The following TMEM131 variants were observed in gnomAD, a reference collection of about 807,000 sequenced individuals.
TMEM131 encodes 2610524E03Rik.
A neutral mutation model predicts 211.6 loss-of-function variants in TMEM131; 66 were observed. The observed-to-expected ratio is 0.31, with a 90% CI of 0.26 to 0.38. TMEM131 has a LOEUF of 0.38. TMEM131 is among the 10% of genes least tolerant of loss of function. The pLI is 1.00. For synonymous variants in TMEM131, 844 were observed against 841.3 expected (o/e 1.00, Z -0.06); for missense variants, 2,036 against 2,299.3 (o/e 0.89, Z 2.34).
chr2:97,908,510 C>T lies in TMEM131; in HGVS notation c.290+148G>A, dbSNP rs543983848. On this transcript the variant is annotated intron_variant, in intron 3 of 40. Transcript: ENST00000186436. ...TCAAACTTAAACCTGGTTTCCCACA[C>T]ACAACACTTAGAAATAATCATATAA... 1.2e-4 allele frequency: 70 copies of T among 598,230 alleles called. 1 individual carries two copies. In the South Asian group the frequency reaches 1.8e-3, roughly 15 times the overall value. 37.1% of individuals were successfully genotyped at this position (598,230 alleles called of 1,614,324 possible). A position where few individuals can be genotyped will look rare whatever the true frequency, so the allele number is the denominator to read the frequency against.
intron 11 of TMEM131, chr2:97,827,227 C>T (rs542116105): frequency 7.7e-5 from 58 of 750,656 alleles, no homozygotes; most frequent in South Asian, 6.0e-4. Context: ...GCACCTGGCA[C>T]GCGCCTTCCC....
chr2:97,834,802 G>A lies in TMEM131; in HGVS notation c.928C>T (p.Leu310Phe), dbSNP rs556689023. Residue 310 changes from leucine (L) to phenylalanine (F), a missense_variant, in exon 9 of 41, where the codon CTT (leucine) becomes TTT (phenylalanine). By Grantham distance (22) the Leu-to-Phe change is conservative (BLOSUM62 0). Around this residue, in one of 3 missense-constraint regions of TMEM131, gnomAD observed 277 missense variants for 378.0 expected, o/e 0.73. Coordinates refer to ENST00000186436, the MANE Select transcript of TMEM131 (RefSeq NM_015348.2). The stretch of plus-strand genomic sequence containing the variant: ...GTTGTAACTTCAACCTCAACAGGAA[G>A]AATGATAAACTCTGTGCTGTCTGAA... Reference protein sequence around the residue: ...NASDSTEFIILPVEVEVTTAP... With the variant: ...NASDSTEFIIFPVEVEVTTAP... 1.2e-6 allele frequency: 2 copies of A among 1,613,662 alleles called. No individual in the cohort carries two copies. Among genetic ancestry groups the A allele is most frequent in the East Asian group, 2.2e-5 (1 of 44,834 alleles).
At chr2:97,878,012 A>G (rs186799451) in intron 4 of TMEM131, among the ~76,000 whole-genome samples, 1 of 152,322 alleles carries the variant, frequency 6.6e-6, no homozygotes, top group African/African-American at 2.4e-5. Context: ...ATTTACAAGA[A>G]AATAAGATCC....
chr2:97,806,435 G>T (rs994678615), intron 19 of TMEM131, among the ~76,000 whole-genome samples: 3 of 152,136 alleles, frequency 2.0e-5, no homozygotes, highest in African/African-American at 7.2e-5. Context: ...CAGCTACTGG[G>T]GAGGCTGAGG....
intron 2 of TMEM131, among the ~76,000 whole-genome samples, chr2:97,922,097 C>T (rs1214547947): frequency 6.6e-6 from 1 of 152,142 alleles, no homozygotes; most frequent in Admixed American, 6.5e-5. Context: ...GGGATGGTTT[C>T]AGAATAATAC....
chr2:97,964,861 G>A (rs910408415), intron 1 of TMEM131, among the ~76,000 whole-genome samples: 2 of 152,190 alleles, frequency 1.3e-5, no homozygotes, highest in African/African-American at 4.8e-5. Context: ...GGAAAACACT[G>A]ACTCTTGGTC....
At chr2:97,989,620 T>C (rs1042993885) in intron 1 of TMEM131, among the ~76,000 whole-genome samples, 10 of 152,196 alleles carry the variant, frequency 6.6e-5, no homozygotes, top group Admixed American at 5.2e-4. Flanking sequence ...TGTGTTTTTT[T>C]CACCAAGTTT....
intron 2 of TMEM131, among the ~76,000 whole-genome samples, chr2:97,917,862 A>C (rs1356379969): frequency 2.0e-5 from 3 of 152,034 alleles, no homozygotes; most frequent in African/African-American, 7.2e-5. Flanking sequence ...CCACCATGTG[A>C]CCCAACTCAC....
At chr2:97,891,908 A>G (rs1189010409) in intron 3 of TMEM131, among the ~76,000 whole-genome samples, 1 of 151,812 alleles carries the variant, frequency 6.6e-6, no homozygotes, top group African/African-American at 2.4e-5. Flanking sequence ...AGGAGCCACT[A>G]TTTTGCATCT....
chr2:97,879,220 T>C (rs563605078), intron 4 of TMEM131, among the ~76,000 whole-genome samples: 1 of 152,302 alleles, frequency 6.6e-6, no homozygotes, highest in African/African-American at 2.4e-5. Context: ...TTCCCACTGC[T>C]GTAGGGAAAG....
chr2:97,964,712 T>A (rs1678968862), intron 1 of TMEM131, among the ~76,000 whole-genome samples: 1 of 152,224 alleles, frequency 6.6e-6, no homozygotes, highest in African/African-American at 2.4e-5. Context: ...GCTTTCTACA[T>A]CCTGACACTG....
chr2:97,764,240 G>C lies in TMEM131; in HGVS notation c.4723+1874C>G, dbSNP rs145254008. On this transcript the variant is annotated intron_variant, in intron 35 of 40. Coordinates refer to ENST00000186436, the MANE Select transcript of TMEM131 (RefSeq NM_015348.2). ...CTTTCACCCCAAGGAACTGCACTAA[G>C]CTTGGCACTGCCAACAGCGCTCGCA... The C allele has an allele frequency of 2.9e-3, 447 of 152,390 alleles. 1 individual carries two copies. The highest frequency in any genetic ancestry group is 0.01 in the African/African-American group (430 of 41,566). The allele number at this position is 152,390 out of a possible 1,614,324, so 9.4% of individuals were successfully genotyped here.
intron 25 of TMEM131, among the ~76,000 whole-genome samples, chr2:97,798,446 T>C (rs576515809): frequency 2.0e-5 from 3 of 151,978 alleles, no homozygotes; most frequent in Admixed American, 6.6e-5. Context: ...GTTTCACACA[T>C]AGAGATCTAG....
chr2:97,832,891 A>G (rs780281840), intron 11 of TMEM131, among the ~76,000 whole-genome samples: 1 of 152,230 alleles, frequency 6.6e-6, no homozygotes, highest in East Asian at 1.9e-4. Context: ...CGGTAACTCA[A>G]TAACTGCTAG....
chr2:97,767,214 GATTT>G (rs1367300506), intron 33 of TMEM131, among the ~76,000 whole-genome samples: 1 of 152,086 alleles, frequency 6.6e-6, no homozygotes, highest in African/African-American at 2.4e-5. Context: ...ATTTTTTATT[GATTT>G]ATTTAGAGTG....
intron 1 of TMEM131, among the ~76,000 whole-genome samples, chr2:97,953,174 C>T (rs1349153501): frequency 6.6e-6 from 1 of 152,132 alleles, no homozygotes; most frequent in Non-Finnish European, 1.5e-5. Context: ...ACGGTTAAAA[C>T]AAACTTAACA....
At chr2:97,759,584 A>C in intron 39 of TMEM131, 68 bp downstream of exon 39, 1 of 1,369,502 alleles carries the variant, frequency 7.3e-7, no homozygotes, top group Admixed American at 1.9e-5. Flanking sequence ...CAGCACACAA[A>C]ACCACACCTC....
intron 5 of TMEM131, among the ~76,000 whole-genome samples, chr2:97,852,508 C>G (rs72942836): frequency 0.025 from 3,832 of 152,304 alleles, 167 homozygotes; most frequent in African/African-American, 0.088. Context: ...AAGGCCCTGA[C>G]TCTCTTTAAT....
intron 6 of TMEM131, among the ~76,000 whole-genome samples, chr2:97,843,025 TATG>T (rs1408835943): frequency 6.7e-6 from 1 of 149,638 alleles, no homozygotes; most frequent in Non-Finnish European, 1.5e-5. Flanking sequence ...CCTTATTTTA[TATG>T]ATATGTCAGA....
Sources: gnomAD v4.1 joint callset for allele counts (sites outside exome capture counted in the v4.1 genomes callset) on GRCh38, gnomAD v4.1.1 for gene constraint, gnomAD v4.1.1 regional missense constraint, MANE v1.5 for transcripts, NCBI Gene and HGNC (gene_info 2026-07-23, HGNC 2026-07-21) for gene names.